The following GRIK3 variants were observed in gnomAD, a reference collection of about 807,000 sequenced individuals.
The protein encoded by GRIK3 is glutamate ionotropic receptor kainate type subunit 3, also known as glutamate receptor ionotropic, kainate 3.
In GRIK3, 29 loss-of-function variants were observed where a neutral mutation model predicts 102.5. The ratio of observed to expected loss-of-function variants is 0.28; its 90% CI spans 0.21 to 0.39. The LOEUF (loss-of-function observed/expected upper bound fraction) is 0.39, where lower values mean the gene tolerates loss of function less well. Among genes scored for constraint, GRIK3 ranks in the 10% least tolerant of loss-of-function variants. GRIK3 has a pLI of 1.00. For missense variants in GRIK3, 908 were observed against 1,252.4 expected (o/e 0.73, Z 4.15); for synonymous variants, 511 against 504.9 (o/e 1.01, Z -0.16).
chr1:36,893,553 G>A (rs2124275358), intron 1 of GRIK3, among the ~76,000 whole-genome samples: 1 of 152,274 alleles, frequency 6.6e-6, no homozygotes, highest in Non-Finnish European at 1.5e-5. Flanking sequence ...CTTTGGTGCG[G>A]GAATAGTTGT....
intron 10 of GRIK3, among the ~76,000 whole-genome samples, chr1:36,836,484 G>A (rs1286533882): frequency 6.6e-6 from 1 of 152,252 alleles, no homozygotes; most frequent in Non-Finnish European, 1.5e-5. Context: ...GGTAAGAAGA[G>A]TCACACAGGG....
At chr1:36,958,047 T>C (rs1400971622) in intron 1 of GRIK3, among the ~76,000 whole-genome samples, 2 of 56,226 alleles carry the variant, frequency 3.6e-5, no homozygotes, top group African/African-American at 1.4e-4. Flanking sequence ...GTGTGCTCTT[T>C]GAATCTTTGC....
intron 11 of GRIK3, among the ~76,000 whole-genome samples, chr1:36,823,927 T>G (rs555902769): frequency 1.1e-4 from 16 of 152,232 alleles, no homozygotes; most frequent in African/African-American, 3.6e-4. Flanking sequence ...CAGTTTCTGT[T>G]TCTATAAACT....
intron 1 of GRIK3, among the ~76,000 whole-genome samples, chr1:36,922,904 A>T (rs1033157755): frequency 6.6e-6 from 1 of 152,154 alleles, no homozygotes; most frequent in African/African-American, 2.4e-5. Flanking sequence ...AAGGCAGGAG[A>T]TGGCCCTTGT....
chr1:36,877,704 C>T (rs998070341), intron 3 of GRIK3, among the ~76,000 whole-genome samples: 2 of 152,138 alleles, frequency 1.3e-5, no homozygotes, highest in African/African-American at 2.4e-5. Flanking sequence ...CTAGTTTTTG[C>T]TCATGCTGTT....
At chr1:37,013,791 T>G (rs548661) in intron 1 of GRIK3, among the ~76,000 whole-genome samples, 60,942 of 151,992 alleles carry the variant, frequency 0.4, 13,440 homozygotes, top group African/African-American at 0.57. Flanking sequence ...AAGGGCCAAA[T>G]ATATCAAGGG....
chr1:36,870,854 G>T (rs1331285770), intron 4 of GRIK3, among the ~76,000 whole-genome samples: 1 of 151,668 alleles, frequency 6.6e-6, no homozygotes, highest in Non-Finnish European at 1.5e-5. Flanking sequence ...CCCGGCAGAG[G>T]GCAACTGCCG....
At chr1:36,895,180 C>A (rs1385846980) in intron 1 of GRIK3, among the ~76,000 whole-genome samples, 1 of 152,128 alleles carries the variant, frequency 6.6e-6, no homozygotes, top group Non-Finnish European at 1.5e-5. Flanking sequence ...CACTAAAGGC[C>A]TTATTTTCAG....
intron 1 of GRIK3, among the ~76,000 whole-genome samples, chr1:36,953,849 T>A (rs1415119419): frequency 6.6e-6 from 1 of 151,880 alleles, no homozygotes; most frequent in Non-Finnish European, 1.5e-5. Context: ...CTGAAGAAGC[T>A]CCCCTGGAGG....
chr1:36,924,410 A>G (rs994869119), intron 1 of GRIK3, among the ~76,000 whole-genome samples: 1 of 152,074 alleles, frequency 6.6e-6, no homozygotes, highest in African/African-American at 2.4e-5. Context: ...GGAGCTCTCC[A>G]AGGTGCTGAT....
At chr1:36,846,481 G>A (rs1640521166) in intron 9 of GRIK3, among the ~76,000 whole-genome samples, 1 of 152,192 alleles carries the variant, frequency 6.6e-6, no homozygotes, top group Admixed American at 6.5e-5. Context: ...AGGGGTCTTG[G>A]ATCCAGGCCC....
In GRIK3 at chr1:36,795,635, T is replaced by A. The variant is rs1642356251; in HGVS notation, c.*6216A>T. 6.6e-6 allele frequency: 1 copy of A among 152,196 alleles called. No homozygotes were observed. The highest frequency in any genetic ancestry group is 2.4e-5 in the African/African-American group (1 of 41,434). 9.4% of individuals were successfully genotyped at this position (152,196 alleles called of 1,614,324 possible). On this transcript the variant is annotated 3_prime_UTR_variant, in exon 16 of 16. Coordinates refer to ENST00000373091, the MANE Select transcript of GRIK3 (RefSeq NM_000831.4). ...GTCTTAAAAAGGAAAATAATCAGAT[T>A]TGTTTGGAAATTTATTTACATCAGC... is the stretch of plus-strand genomic sequence containing the variant.
At chr1:36,854,128 G>A (rs1004719164) in intron 7 of GRIK3, among the ~76,000 whole-genome samples, 6 of 152,156 alleles carry the variant, frequency 3.9e-5, no homozygotes, top group African/African-American at 1.4e-4. Context: ...AGAACCAGAC[G>A]CTTGGCATAG....
chr1:37,013,790 A>G (rs1029120876), intron 1 of GRIK3, among the ~76,000 whole-genome samples: 2 of 152,208 alleles, frequency 1.3e-5, no homozygotes, highest in Non-Finnish European at 2.9e-5. Context: ...AAAGGGCCAA[A>G]TATATCAAGG....
At chr1:36,974,541 G>A (rs912971382) in intron 1 of GRIK3, among the ~76,000 whole-genome samples, 11 of 152,146 alleles carry the variant, frequency 7.2e-5, no homozygotes, top group Admixed American at 1.3e-4. Context: ...GCTCACACCT[G>A]TAATCCCAGC....
chr1:37,027,201 G>A (rs1323902900), intron 1 of GRIK3, among the ~76,000 whole-genome samples: 3 of 152,048 alleles, frequency 2.0e-5, no homozygotes, highest in Non-Finnish European at 2.9e-5. Context: ...CCCTGGAGGC[G>A]ATTTCCAAAG....
At chr1:37,019,417 A>AT (rs1321378268) in intron 1 of GRIK3, among the ~76,000 whole-genome samples, 2 of 152,162 alleles carry the variant, frequency 1.3e-5, no homozygotes, top group Non-Finnish European at 2.9e-5. Flanking sequence ...TCGTCTCTTC[A>AT]TCTCTCTGAG....
Position 37,034,134 on chromosome 1 carries a change from G to C in GRIK3, c.-26C>G, listed in dbSNP as rs1175003571. 3 of 1,318,598 alleles carry C rather than the reference G, an allele frequency of 2.3e-6. No homozygotes were observed. The highest frequency in any genetic ancestry group is 2.1e-6 in the Non-Finnish European group (2 of 956,852). 81.7% of individuals were successfully genotyped at this position (1,318,598 alleles called of 1,614,324 possible). A position where few individuals can be genotyped will look rare whatever the true frequency, so the allele number is the denominator to read the frequency against. On this transcript the variant is annotated 5_prime_UTR_variant, in exon 1 of 16. Coordinates refer to ENST00000373091, the MANE Select transcript of GRIK3 (RefSeq NM_000831.4). ...CGTTGGGCGCCGCCGAGCGTGCCCG[G>C]GGCGCGGCCGTGGCGGGCTCCCTGG...
intron 9 of GRIK3, among the ~76,000 whole-genome samples, chr1:36,845,068 G>T (rs3767045): frequency 0.071 from 10,772 of 152,244 alleles, 512 homozygotes; most frequent in Middle Eastern, 0.21. Context: ...AGTGCTTTGC[G>T]GATGGCATAC....
Sources: gnomAD v4.1 joint callset for allele counts (sites outside exome capture counted in the v4.1 genomes callset) on GRCh38, gnomAD v4.1.1 for gene constraint, MANE v1.5 for transcripts, NCBI Gene and HGNC (gene_info 2026-07-23, HGNC 2026-07-21) for gene names.